Variants in COMMD5 observed in about 807,000 individuals in gnomAD.
The protein encoded by COMMD5 is COMM domain containing 5.
In COMMD5, 10 loss-of-function variants were observed where a neutral mutation model predicts 6.9. That is an observed-to-expected ratio of 1.44 (90% CI 0.89 to 2.45). The LOEUF (loss-of-function observed/expected upper bound fraction) is 2.45. COMMD5 is among the 30% of genes most tolerant of loss of function. COMMD5 has a pLI of 0.00. For synonymous variants in COMMD5, 127 were observed against 125.3 expected (o/e 1.01, Z -0.09); for missense variants, 234 against 287.8 (o/e 0.81, Z 1.35).
downstream of COMMD5, among the ~76,000 whole-genome samples, chr8:144,839,606 C>T (rs1274194157): frequency 6.6e-6 from 1 of 152,272 alleles, no homozygotes; most frequent in Admixed American, 6.5e-5. Flanking sequence ...TAGAATCCCA[C>T]AGTAGGTGAG....
downstream of COMMD5, among the ~76,000 whole-genome samples, chr8:144,849,092 G>T (rs1026811136): frequency 1.4e-4 from 21 of 152,226 alleles, no homozygotes; most frequent in African/African-American, 4.8e-4. Context: ...GGGAGAAGCA[G>T]AAGGATGGGG....
intron 1 of COMMD5, chr8:144,843,225 A>G: frequency 6.7e-7 from 1 of 1,491,364 alleles, no homozygotes; most frequent in South Asian, 1.4e-5. Flanking sequence ...TAACTTACTT[A>G]TTTTATATGG....
At chr8:144,838,547 C>A (rs1316760544), downstream of COMMD5, 4 of 176,850 alleles carry the variant, frequency 2.3e-5, no homozygotes, top group Non-Finnish European at 1.2e-5. Flanking sequence ...GCTGCTGGGT[C>A]ATCACCGTCA....
At chr8:144,840,023 C>T (rs565867650), downstream of COMMD5, among the ~76,000 whole-genome samples, 21 of 152,366 alleles carry the variant, frequency 1.4e-4, 1 homozygote, top group African/African-American at 4.3e-4. Flanking sequence ...CAACCTCTGC[C>T]TGCCAGGTTC....
downstream of COMMD5, chr8:144,846,469 G>A (rs568419115): frequency 1.4e-4 from 45 of 311,702 alleles, no homozygotes; most frequent in South Asian, 2.4e-3. Context: ...AGCCTCTGGC[G>A]GCTTTCTTGC....
chr8:144,841,151 C>T (rs889101688), exon 2 of COMMD5: 30 of 592,648 alleles, frequency 5.1e-5, no homozygotes, highest in African/African-American at 2.0e-4. Context: ...TCATTGCTAT[C>T]GAATGAGTGA....
exon 2 of COMMD5, chr8:144,841,275 G>A: frequency 7.0e-7 from 1 of 1,433,294 alleles, no homozygotes. Flanking sequence ...GGAGCCTTGA[G>A]CCCTGGCCCC....
chr8:144,841,960 A>G, intron 1 of COMMD5: 1 of 1,614,224 alleles, frequency 6.2e-7, no homozygotes, highest in South Asian at 1.1e-5. Flanking sequence ...TGAGTGTGGA[A>G]AAGCCTTCCG....
rs144998032 is a variant in COMMD5 at position 144,851,319 on chromosome 8, G to A, written c.20C>T (p.Ala7Val). The change falls in exon 2 of 2, where the codon GCA becomes GTA. Residue 7 changes from alanine (A) to valine (V), a missense_variant. Physicochemically the swap from Ala to Val is moderately conservative, Grantham distance 64. Transcript: ENST00000305103. ...ACCAGGATGATGCAGGTATGGAGTT[G>A]CAGCCCCCACAGCAGACATTGCTGC... is the stretch of plus-strand genomic sequence containing the variant. Reference protein sequence around the residue: MSAVGAATPYLHHPGDS... With the variant: MSAVGAVTPYLHHPGDS... The A allele has an allele frequency of 7.4e-6, 12 of 1,610,916 alleles. No individual in the cohort carries two copies. In the African/African-American group the frequency reaches 1.6e-4, roughly 22 times the overall value.
chr8:144,851,506 G>T, intron 1 of COMMD5, 111 bp from the exon 2 acceptor site: 1 of 760,146 alleles, frequency 1.3e-6, no homozygotes, highest in Non-Finnish European at 2.1e-6. Context: ...AACTACCAAT[G>T]ACAGTCAGTG....
chr8:144,844,308 G>A (rs554655366), intron 1 of COMMD5, among the ~76,000 whole-genome samples: 17 of 152,292 alleles, frequency 1.1e-4, no homozygotes, highest in East Asian at 1.9e-4. Flanking sequence ...CAGCACACCC[G>A]TGTGCGCACA....
At chr8:144,845,366 G>A (rs1586853409), downstream of COMMD5, among the ~76,000 whole-genome samples, 1 of 152,062 alleles carries the variant, frequency 6.6e-6, no homozygotes, top group East Asian at 1.9e-4. Context: ...GGGAGCTGGG[G>A]GGCCATTACC....
intron 1 of COMMD5, chr8:144,842,117 G>T (rs141409063): frequency 1.9e-6 from 3 of 1,613,856 alleles, no homozygotes; most frequent in Middle Eastern, 1.6e-4. Flanking sequence ...TATGGTTGTC[G>T]TGAGTGTGGG....
downstream of COMMD5, chr8:144,838,688 A>G (rs149931468): frequency 5.7e-3 from 867 of 152,924 alleles, 8 homozygotes; most frequent in African/African-American, 0.02. Context: ...CACGCCGGCC[A>G]TTCTAGCGAT....
At chr8:144,853,133 G>A (rs1256266128), upstream of COMMD5, 1 of 152,248 alleles carries the variant, frequency 6.6e-6, no homozygotes, top group African/African-American at 2.4e-5. Context: ...GCGGAGCCGA[G>A]GCCGCGCCAG....
downstream of COMMD5, chr8:144,846,355 T>C (rs1406289768): frequency 4.8e-6 from 3 of 628,238 alleles, no homozygotes; most frequent in African/African-American, 3.7e-5. Context: ...TTCTGAATGG[T>C]TGGGGAGAAA....
chr8:144,849,468 G>A (rs750589959), downstream of COMMD5, among the ~76,000 whole-genome samples: 14 of 152,112 alleles, frequency 9.2e-5, no homozygotes, highest in Non-Finnish European at 1.5e-4. Flanking sequence ...GCTAGTGGAG[G>A]AGACAACCCA....
rs1830213305 is a variant in COMMD5, at chr8:144,843,283, T to G, written c.*117-1540A>C. ...GTAGAATGTTGGTAAAGGTTCAGAA[T>G]TGCTCTCAAGAATATCCAACTTCAG... On this transcript the variant is annotated intron_variant and NMD_transcript_variant, in intron 1 of 1. Transcript: ENST00000530332. 21 of 1,316,832 alleles carry G rather than the reference T, an allele frequency of 1.6e-5. No homozygotes were observed. The South Asian group carries it at 3.1e-4, about 19-fold the overall frequency. The allele number at this position is 1,316,832 out of a possible 1,614,324, so 81.6% of individuals were successfully genotyped here.
At chr8:144,841,162 A>G (rs1016585946) in exon 2 of COMMD5, 13 of 622,468 alleles carry the variant, frequency 2.1e-5, no homozygotes, top group Non-Finnish European at 3.1e-5. Flanking sequence ...GAATGAGTGA[A>G]CAAGGTAAAA....
Sources: gnomAD v4.1 joint callset for allele counts (sites outside exome capture counted in the v4.1 genomes callset) on GRCh38, gnomAD v4.1.1 for gene constraint, MANE v1.5 for transcripts, NCBI Gene and HGNC (gene_info 2026-07-23, HGNC 2026-07-21) for gene names.